The following PTPRC variants were observed in gnomAD, a reference collection of about 807,000 sequenced individuals.
PTPRC encodes protein tyrosine phosphatase receptor type C.
A neutral mutation model predicts 155.9 loss-of-function variants in PTPRC; 44 were observed. The observed-to-expected ratio is 0.28, with a 90% CI of 0.22 to 0.36. The LOEUF is 0.36. PTPRC is among the 10% of genes least tolerant of loss of function. The pLI is 1.00. For synonymous variants in PTPRC, 525 were observed against 533.1 expected, an observed-to-expected ratio of 0.98 and a Z score of 0.21; for missense variants, 1,401 against 1,564.6, an observed-to-expected ratio of 0.90 and a Z score of 1.76.
chr1:198,647,432 C>T (rs1317356470), intron 2 of PTPRC, among the ~76,000 whole-genome samples: 1 of 151,850 alleles, frequency 6.6e-6, no homozygotes, highest in African/African-American at 2.4e-5. Context: ...TTCTTAAAAA[C>T]AATTTTGATT....
rs762727020 is a variant in PTPRC, at chr1:198,742,013, G to A, written c.2548G>A (p.Val850Met). The A allele has an allele frequency of 3.7e-6, 6 of 1,610,986 alleles. No homozygotes were observed. The highest frequency in any genetic ancestry group is 5.1e-6 in the Non-Finnish European group (6 of 1,178,702). Residue 850 changes from valine to methionine, a missense_variant, in exon 24 of 33, where the codon GTG becomes ATG. Val to Met is a conservative substitution (Grantham distance 21, BLOSUM62 1). Transcript: ENST00000442510. ...CAGCAATTTCTTCAGTGGTCCCATT[G>A]TGGTGCACTGCAGGTAGGAAAAACG... ...AFSNFFSGPI[V>M]VHCSAGVGRT...
chr1:198,706,212 A>G (rs186541012), intron 8 of PTPRC, among the ~76,000 whole-genome samples: 2 of 152,352 alleles, frequency 1.3e-5, no homozygotes, highest in African/African-American at 4.8e-5. Context: ...GAGGTATATT[A>G]TCAATCATAA....
chr1:198,655,201 TTTTA>T (rs1663491781), intron 2 of PTPRC, among the ~76,000 whole-genome samples: 1 of 151,896 alleles, frequency 6.6e-6, no homozygotes, highest in Non-Finnish European at 1.5e-5. Context: ...TATTTCCTGC[TTTTA>T]TTTGAGTTAG....
At chr1:198,739,685 C>A (rs367553844) in intron 23 of PTPRC, among the ~76,000 whole-genome samples, 9 of 151,690 alleles carry the variant, frequency 5.9e-5, no homozygotes, top group African/African-American at 1.7e-4. Context: ...GGAAGAAAAT[C>A]AACAAAGAAA....
chr1:198,642,362 A>ATCTGTCTG (rs1172716674), intron 2 of PTPRC, among the ~76,000 whole-genome samples: 1 of 133,888 alleles, frequency 7.5e-6, no homozygotes, highest in Non-Finnish European at 1.6e-5. Context: ...TAGTCAATCT[A>ATCTGTCTG]TCTATCTGTC....
intron 3 of PTPRC, chr1:198,694,821 A>T: frequency 1.0e-6 from 1 of 954,122 alleles, no homozygotes. Flanking sequence ...TCTTTTATTC[A>T]ATGCATAGTA....
chr1:198,687,678 C>A (rs1665705970), intron 2 of PTPRC, among the ~76,000 whole-genome samples: 1 of 151,978 alleles, frequency 6.6e-6, no homozygotes, highest in African/African-American at 2.4e-5. Context: ...ATATAGGTCA[C>A]ATTTAGCGTG....
chr1:198,744,861 G>A (rs918331426), intron 26 of PTPRC, among the ~76,000 whole-genome samples: 2 of 151,692 alleles, frequency 1.3e-5, no homozygotes, highest in African/African-American at 4.8e-5. Flanking sequence ...GACCAGGAGT[G>A]TGCTTTTAAT....
At chr1:198,702,290 T>C (rs997923497) in intron 5 of PTPRC, 97 bp from the exon 6 acceptor site, 2 of 1,494,734 alleles carry the variant, frequency 1.3e-6, no homozygotes, top group Non-Finnish European at 1.9e-6. Context: ...TTTGTTTCTC[T>C]GCCTTATCTT....
chr1:198,682,826 G>C (rs1665414848), intron 2 of PTPRC, among the ~76,000 whole-genome samples: 1 of 151,982 alleles, frequency 6.6e-6, no homozygotes, highest in Non-Finnish European at 1.5e-5. Context: ...CCATTTTTCT[G>C]AAAAATAAGA....
At chr1:198,662,275 A>T (rs1437218542) in intron 2 of PTPRC, among the ~76,000 whole-genome samples, 2 of 152,172 alleles carry the variant, frequency 1.3e-5, no homozygotes, top group Non-Finnish European at 2.9e-5. Flanking sequence ...AATTCTTAAC[A>T]ACTTTATAAT....
In PTPRC at chr1:198,703,367, C is replaced by G; in HGVS notation, c.653C>G (p.Thr218Arg). The stretch of plus-strand genomic sequence containing the variant: ...GGAAGCGCTGTCATTTCAACCACAA[C>G]AATAGGTGATATTACCCTCAGTCAG... ...PSGSAVISTT[T>R]IATTPSKPTC... The change falls in exon 7 of 33, where the codon ACA (threonine) becomes AGA (arginine). Residue 218 changes from threonine to arginine, a missense_variant. Around this residue, in one of 3 missense-constraint regions of PTPRC, gnomAD observed 867 missense variants for 970.4 expected, o/e 0.89. Coordinates refer to ENST00000442510, the MANE Select transcript of PTPRC (RefSeq NM_002838.5). 6.2e-7 allele frequency: 1 copy of G among 1,612,836 alleles called. No individual in the cohort carries two copies. The highest frequency in any genetic ancestry group is 8.5e-7 in the Non-Finnish European group (1 of 1,180,040).
rs748711598 is a variant in PTPRC, at chr1:198,749,420, C to T, written c.2943C>T (p.Asp981=). 1.1e-5 allele frequency: 17 copies of T among 1,608,272 alleles called. No individual in the cohort carries two copies. Among genetic ancestry groups the T allele is most frequent in the Non-Finnish European group, 1.4e-5 (17 of 1,175,914 alleles). ...CTACTGATTTATTTCACATAGATGA[C>T]TATAACAGAGTGCCACTTAAACATG... The part of the protein sequence containing the change: ...KNRNSNVIPY[D]YNRVPLKHEL... The change falls in exon 28 of 33, where the codon GAC becomes GAT. Residue 981 remains aspartate, a synonymous_variant. Coordinates refer to ENST00000442510, the MANE Select transcript of PTPRC (RefSeq NM_002838.5).
intron 2 of PTPRC, among the ~76,000 whole-genome samples, chr1:198,652,418 GCATA>G (rs1040868865): frequency 6.6e-6 from 1 of 151,760 alleles, no homozygotes; most frequent in African/African-American, 2.4e-5. Flanking sequence ...AAATCAGAAA[GCATA>G]ATTTACTCCC....
In PTPRC at chr1:198,732,674, A is replaced by G. The variant is rs970392130; in HGVS notation, c.2142+118A>G. ...TTTGAAGTGAGCCCATATGTCACTG[A>G]TATAAACAAAAAATTATCAATATTA... On this transcript the variant is annotated intron_variant, in intron 20 of 32. Transcript: ENST00000442510. 8.0e-6 allele frequency: 6 copies of G among 749,782 alleles called. No homozygotes were observed. The African/African-American group carries it at 1.1e-4, about 13-fold the overall frequency. 46.4% of individuals were successfully genotyped at this position (749,782 alleles called of 1,614,324 possible).
intron 20 of PTPRC, among the ~76,000 whole-genome samples, chr1:198,733,529 C>G (rs1184503624): frequency 6.6e-6 from 1 of 151,742 alleles, no homozygotes; most frequent in African/African-American, 2.4e-5. Context: ...AAAGGTCATC[C>G]CTCTCTGAAG....
intron 14 of PTPRC, among the ~76,000 whole-genome samples, chr1:198,718,741 T>C (rs979420606): frequency 6.6e-6 from 1 of 152,146 alleles, no homozygotes; most frequent in Non-Finnish European, 1.5e-5. Context: ...GCATACAGAA[T>C]TTAAAACACT....
intron 2 of PTPRC, among the ~76,000 whole-genome samples, chr1:198,686,005 G>A (rs1665604257): frequency 6.6e-6 from 1 of 151,164 alleles, no homozygotes; most frequent in Non-Finnish European, 1.5e-5. Context: ...GCCCAAGTAT[G>A]TCTTTTGAAA....
chr1:198,662,557 A>T (rs1248107444), intron 2 of PTPRC, among the ~76,000 whole-genome samples: 1 of 152,034 alleles, frequency 6.6e-6, no homozygotes, highest in African/African-American at 2.4e-5. Flanking sequence ...GAATGTTTTA[A>T]TAGAGTGGCT....
Sources: allele counts gnomAD v4.1 joint callset (sites outside exome capture counted in the v4.1 genomes callset), GRCh38; gene constraint gnomAD v4.1.1; regional missense constraint gnomAD v4.1.1; transcripts MANE v1.5; gene names NCBI Gene and HGNC (gene_info 2026-07-23, HGNC 2026-07-21).